The following GPM6A variants were observed in gnomAD, a reference collection of about 807,000 sequenced individuals.
GPM6A encodes glycoprotein M6A.
In GPM6A, 7 loss-of-function variants were observed where a neutral mutation model predicts 32.1. The observed-to-expected ratio is 0.22, with a 90% CI of 0.12 to 0.41. The LOEUF (loss-of-function observed/expected upper bound fraction) is 0.41. GPM6A is among the 10% of genes least tolerant of loss of function. The probability of loss-of-function intolerance (pLI) is 1.00; values close to 1 mark genes in which losing one functional copy is unlikely to be tolerated. For synonymous variants in GPM6A, 130 were observed against 123.4 expected (o/e 1.05, Z -0.35); for missense variants, 235 against 347.2 (o/e 0.68, Z 2.57).
At chr4:175,705,005 G>A (rs1745096490) in intron 1 of GPM6A, among the ~76,000 whole-genome samples, 1 of 152,146 alleles carries the variant, frequency 6.6e-6, no homozygotes, top group Non-Finnish European at 1.5e-5. Flanking sequence ...TTAATTCAGG[G>A]TCGGTTTCAC....
chr4:175,833,477 T>C (rs1052316502), intron 1 of GPM6A, among the ~76,000 whole-genome samples: 8 of 152,160 alleles, frequency 5.3e-5, no homozygotes, highest in African/African-American at 1.9e-4. Context: ...CATAGAGCAA[T>C]CTTCAATCCT....
At chr4:175,969,933 A>C (rs1313810463) in intron 1 of GPM6A, among the ~76,000 whole-genome samples, 1 of 152,198 alleles carries the variant, frequency 6.6e-6, no homozygotes, top group African/African-American at 2.4e-5. Flanking sequence ...GCATACAATC[A>C]TCTTTTGAAA....
chr4:175,664,202 A>G (rs1742604693), intron 3 of GPM6A, among the ~76,000 whole-genome samples: 1 of 152,138 alleles, frequency 6.6e-6, no homozygotes, highest in South Asian at 2.1e-4. Context: ...GGAGGGATGA[A>G]TGGGTGGAGC....
intron 1 of GPM6A, among the ~76,000 whole-genome samples, chr4:175,952,715 A>G (rs538870304): frequency 5.1e-4 from 78 of 152,230 alleles, no homozygotes; most frequent in Non-Finnish European, 7.5e-4. Flanking sequence ...CTGTCCACCA[A>G]TGAGTCCAGT....
chr4:175,697,177 T>A (rs17061807), intron 2 of GPM6A, among the ~76,000 whole-genome samples: 7,582 of 152,252 alleles, frequency 0.05, 216 homozygotes, highest in Non-Finnish European at 0.063. Context: ...CCCAGTCCTT[T>A]GGAGAGCTAT....
chr4:175,890,662 G>A (rs1040561203), intron 1 of GPM6A, among the ~76,000 whole-genome samples: 1 of 151,910 alleles, frequency 6.6e-6, no homozygotes, highest in African/African-American at 2.4e-5. Context: ...TAACTGCTGG[G>A]CTTAAGTGAT....
intron 1 of GPM6A, among the ~76,000 whole-genome samples, chr4:175,739,836 A>T (rs1311624254): frequency 6.6e-6 from 1 of 152,092 alleles, no homozygotes. Flanking sequence ...ATCTATTAAG[A>T]AGTTAACGTT....
At chr4:175,926,638 A>T (rs1738847514) in intron 1 of GPM6A, among the ~76,000 whole-genome samples, 1 of 152,202 alleles carries the variant, frequency 6.6e-6, no homozygotes, top group Non-Finnish European at 1.5e-5. Flanking sequence ...CAAAGATAGT[A>T]TTTGTAAAAT....
intron 3 of GPM6A, among the ~76,000 whole-genome samples, chr4:175,657,147 T>C (rs919412146): frequency 4.6e-5 from 7 of 152,242 alleles, no homozygotes; most frequent in Non-Finnish European, 8.8e-5. Context: ...TTTCTCATCT[T>C]GGAATGAATT....
At chr4:175,909,484 C>A (rs1226265902) in intron 1 of GPM6A, among the ~76,000 whole-genome samples, 1 of 151,968 alleles carries the variant, frequency 6.6e-6, no homozygotes, top group Admixed American at 6.6e-5. Context: ...TAAATAAATT[C>A]CTTAATGGTA....
intron 1 of GPM6A, among the ~76,000 whole-genome samples, chr4:175,897,808 A>C (rs935465601): frequency 2.0e-5 from 3 of 152,188 alleles, no homozygotes; most frequent in Non-Finnish European, 2.9e-5. Context: ...ACTTTGGTTA[A>C]AGAATAAAAT....
intron 3 of GPM6A, among the ~76,000 whole-genome samples, chr4:175,673,122 A>G (rs1272897378): frequency 1.3e-5 from 2 of 152,150 alleles, no homozygotes; most frequent in Admixed American, 6.5e-5. Context: ...ATTATTTTTC[A>G]TTTTCACCAC....
rs181400026 is a variant in GPM6A, at chr4:175,854,652, A to T, written c.-22-42403T>A. Among the ~76,000 whole-genome samples, 183 of 152,336 alleles carry T rather than the reference A, an allele frequency of 1.2e-3. 3 individuals are homozygous for T. The highest frequency in any genetic ancestry group is 4.6e-3 in the Admixed American group (70 of 15,300). On this transcript the variant is annotated intron_variant, in intron 1 of 7. Coordinates refer to the GPM6A transcript ENST00000280187. ...ATTTCCAGGCAGTGGTGCAAAAAAG[A>T]AAAACCCAGGCAGAGTGCTGAACTC...
At chr4:175,877,376 G>C (rs1435894394) in intron 1 of GPM6A, among the ~76,000 whole-genome samples, 2 of 152,176 alleles carry the variant, frequency 1.3e-5, no homozygotes, top group East Asian at 1.9e-4. Context: ...GTTAAGCATA[G>C]TATTAGTCCA....
Position 175,633,263 on chromosome 4 carries a change from G to GA in GPM6A, c.*1641dup, listed in dbSNP as rs1162618341. On this transcript the variant is annotated 3_prime_UTR_variant, in exon 7 of 7. Coordinates refer to ENST00000393658, the MANE Select transcript of GPM6A (RefSeq NM_201591.3). ...AATATCTGTAATACTGCATATATCAGAAAAATGTTGAACCAGTAAGATAAT... is the reference window on the plus strand; with the variant it reads ...AATATCTGTAATACTGCATATATCAGAAAAAATGTTGAACCAGTAAGATAAT... The GA allele has an allele frequency of 5.3e-5, 8 of 152,340 alleles. No individual in the cohort carries two copies. Among genetic ancestry groups the GA allele is most frequent in the South Asian group, 2.1e-4 (1 of 4,830 alleles). The allele number at this position is 152,340 out of a possible 1,614,324, so 9.4% of individuals were successfully genotyped here. A position where few individuals can be genotyped will look rare whatever the true frequency, so the allele number is the denominator to read the frequency against.
intron 1 of GPM6A, among the ~76,000 whole-genome samples, chr4:175,973,075 A>G (rs1215080503): frequency 6.6e-6 from 1 of 152,230 alleles, no homozygotes; most frequent in East Asian, 1.9e-4. Flanking sequence ...GAGATGATTT[A>G]TGGCAAATCA....
At chr4:175,994,444 G>A (rs1341592325) in intron 1 of GPM6A, among the ~76,000 whole-genome samples, 1 of 152,114 alleles carries the variant, frequency 6.6e-6, no homozygotes, top group African/African-American at 2.4e-5. Context: ...CAAGTCACAT[G>A]AATTTTTTGA....
chr4:175,953,832 G>A (rs1041378702), intron 1 of GPM6A, among the ~76,000 whole-genome samples: 1 of 152,180 alleles, frequency 6.6e-6, no homozygotes, highest in Admixed American at 6.5e-5. Flanking sequence ...CCGGGAGGTG[G>A]GGGTTGTGAT....
chr4:175,896,709 T>C (rs1463630090), intron 1 of GPM6A, among the ~76,000 whole-genome samples: 1 of 152,134 alleles, frequency 6.6e-6, no homozygotes, highest in Non-Finnish European at 1.5e-5. Flanking sequence ...GTCTATCTTC[T>C]TGGGGTGGGG....
Sources: allele counts gnomAD v4.1 joint callset (sites outside exome capture counted in the v4.1 genomes callset), GRCh38; gene constraint gnomAD v4.1.1; transcripts MANE v1.5; gene names NCBI Gene and HGNC (gene_info 2026-07-23, HGNC 2026-07-21).